Variants in GNG12 observed in about 807,000 individuals in gnomAD.
GNG12 encodes the protein guanine nucleotide-binding protein G(I)/G(S)/G(O) subunit gamma-12.
For missense variants in GNG12, 69 were observed against 83.8 expected (o/e 0.82, Z 0.69); for synonymous variants, 28 against 29.7 (o/e 0.94, Z 0.19).
chr1:67,752,436 G>A (rs1021250961), intron 2 of GNG12, among the ~76,000 whole-genome samples: 4 of 152,178 alleles, frequency 2.6e-5, no homozygotes, highest in Admixed American at 2.6e-4. Flanking sequence ...GGAGTTTGGG[G>A]TTAACAGGTT....
intron 3 of GNG12, among the ~76,000 whole-genome samples, chr1:67,706,283 T>C (rs1646246892): frequency 6.6e-6 from 1 of 152,066 alleles, no homozygotes; most frequent in South Asian, 2.1e-4. Flanking sequence ...AAAAAACAGA[T>C]TGGAATGCAG....
intron 3 of GNG12, 124 bp downstream of exon 3, chr1:67,707,470 G>A: frequency 1.4e-6 from 1 of 702,726 alleles, no homozygotes; most frequent in East Asian, 2.7e-5. Context: ...CTCTCAGCCT[G>A]TTCTGGAAAA....
chr1:67,772,613 A>G (rs1361911007), intron 2 of GNG12: 2 of 152,184 alleles, frequency 1.3e-5, no homozygotes, highest in East Asian at 1.9e-4. Flanking sequence ...CAGTGAAAAG[A>G]GGAAACCTGC....
At chr1:67,809,167 T>C (rs1570566803) in intron 1 of GNG12, among the ~76,000 whole-genome samples, 1 of 152,040 alleles carries the variant, frequency 6.6e-6, no homozygotes, top group Admixed American at 6.6e-5. Context: ...GCAAAGGTAA[T>C]ACAGTGGAGC....
chr1:67,725,385 GT>G (rs1368893110), intron 2 of GNG12, among the ~76,000 whole-genome samples: 1 of 152,190 alleles, frequency 6.6e-6, no homozygotes, highest in Admixed American at 6.5e-5. Context: ...AAACATGTCT[GT>G]CAAACATGTC....
intron 1 of GNG12, among the ~76,000 whole-genome samples, chr1:67,823,691 G>C (rs929478248): frequency 6.6e-6 from 1 of 152,192 alleles, no homozygotes; most frequent in Non-Finnish European, 1.5e-5. Flanking sequence ...TTGGCTGTAC[G>C]GAACCGGGAC....
chr1:67,749,984 G>C (rs1159972623), intron 2 of GNG12, among the ~76,000 whole-genome samples: 2 of 152,108 alleles, frequency 1.3e-5, no homozygotes, highest in Non-Finnish European at 2.9e-5. Flanking sequence ...CCAAACCTTG[G>C]GCACTCTCAG....
chr1:67,711,243 GA>G (rs1201031257), intron 2 of GNG12, among the ~76,000 whole-genome samples: 2 of 152,182 alleles, frequency 1.3e-5, no homozygotes, highest in Non-Finnish European at 1.5e-5. Flanking sequence ...GCAGGGGAAT[GA>G]AAAATGACTT....
At chr1:67,739,178 A>G (rs1646469126) in intron 2 of GNG12, among the ~76,000 whole-genome samples, 1 of 152,176 alleles carries the variant, frequency 6.6e-6, no homozygotes, top group African/African-American at 2.4e-5. Context: ...GAATCTGTCA[A>G]TTAAAACAAA....
intron 1 of GNG12, among the ~76,000 whole-genome samples, chr1:67,817,358 T>C (rs1646958748): frequency 6.6e-6 from 1 of 152,210 alleles, no homozygotes; most frequent in African/African-American, 2.4e-5. Flanking sequence ...TAAGTACTGC[T>C]TTCCCCATTT....
In GNG12 at chr1:67,816,130, C is replaced by CT. The variant is rs532958644; in HGVS notation, c.-77+17213dup. Among the ~76,000 whole-genome samples the CT allele has an allele frequency of 2.0e-5, 3 of 152,152 alleles. No homozygotes were observed. In the East Asian group the frequency reaches 5.8e-4, roughly 29 times the overall value. On this transcript the variant is annotated intron_variant, in intron 1 of 3. Transcript: ENST00000370982. ...GCTGCTAGAGCCTATTATCTTGAGA[C>CT]TTTTTTTTCTTTTCTTCTAATGAAA...
chr1:67,771,878 G>A (rs766043340), intron 2 of GNG12, among the ~76,000 whole-genome samples: 4 of 152,196 alleles, frequency 2.6e-5, no homozygotes, highest in Non-Finnish European at 4.4e-5. Flanking sequence ...AACTATGATT[G>A]TGGAAAGTTT....
intron 2 of GNG12, among the ~76,000 whole-genome samples, chr1:67,741,805 T>A (rs1570504512): frequency 6.6e-6 from 1 of 152,342 alleles, no homozygotes; most frequent in East Asian, 1.9e-4. Flanking sequence ...TATTATTATT[T>A]TTTTCATGGA....
chr1:67,828,635 A>G (rs1647025233), intron 1 of GNG12, among the ~76,000 whole-genome samples: 1 of 152,212 alleles, frequency 6.6e-6, no homozygotes, highest in South Asian at 2.1e-4. Flanking sequence ...AAGTGCACCA[A>G]TATCTGCCTC....
chr1:67,705,659 TGAATGGAA>T (rs1646243119), intron 3 of GNG12, 83 bp from the exon 4 acceptor site: 1 of 1,488,726 alleles, frequency 6.7e-7, no homozygotes, highest in Non-Finnish European at 8.9e-7. Context: ...GCTAGGCTAT[TGAATGGAA>T]GACTGATTTG....
At chr1:67,782,083 A>G (rs1646740736) in intron 1 of GNG12, among the ~76,000 whole-genome samples, 1 of 152,290 alleles carries the variant, frequency 6.6e-6, no homozygotes, top group East Asian at 1.9e-4. Context: ...TTCACTTGCA[A>G]ATTCTGATAT....
At chr1:67,710,929 C>T (rs902931876) in intron 2 of GNG12, among the ~76,000 whole-genome samples, 4 of 152,140 alleles carry the variant, frequency 2.6e-5, no homozygotes, top group African/African-American at 9.7e-5. Flanking sequence ...AGGACAGGCA[C>T]ACAGCTCCTG....
intron 2 of GNG12, among the ~76,000 whole-genome samples, chr1:67,775,821 G>A (rs1646701905): frequency 6.6e-6 from 1 of 152,340 alleles, no homozygotes; most frequent in Middle Eastern, 3.4e-3. Context: ...GCCATGTCAT[G>A]GAGAAGGGAA....
chr1:67,715,030 T>C (rs980086625), intron 2 of GNG12, among the ~76,000 whole-genome samples: 4 of 152,210 alleles, frequency 2.6e-5, no homozygotes, highest in African/African-American at 9.6e-5. Context: ...GCGGTTCTCC[T>C]GCCTTAGCCT....
Sources: allele counts gnomAD v4.1 joint callset (sites outside exome capture counted in the v4.1 genomes callset), GRCh38; gene constraint gnomAD v4.1.1; transcripts MANE v1.5; gene names NCBI Gene and HGNC (gene_info 2026-07-23, HGNC 2026-07-21).